CPVL: variants seen among roughly 807,000 people sequenced by gnomAD.
CPVL encodes carboxypeptidase vitellogenic like.
CPVL carries 51 observed loss-of-function variants against 63.7 expected under a neutral mutation model. The observed-to-expected ratio is 0.80, with a 90% CI of 0.64 to 1.01. CPVL has a LOEUF of 1.01. CPVL is among the 50% of genes least tolerant of loss of function. The probability of loss-of-function intolerance (pLI) is 0.00; values close to 1 mark genes in which losing one functional copy is unlikely to be tolerated. For synonymous variants in CPVL, 195 were observed against 206.0 expected (o/e 0.95, Z 0.46); for missense variants, 530 against 573.1 (o/e 0.92, Z 0.77).
intron 7 of CPVL, among the ~76,000 whole-genome samples, chr7:29,075,956 G>GTTTTT (rs1554335832): frequency 0.11 from 12,331 of 109,898 alleles, 1,629 homozygotes; most frequent in Middle Eastern, 0.16. Context: ...TGTTGAGATA[G>GTTTTT]TTTTTTTTTT....
chr7:29,150,463 C>G (rs1793436692), upstream of CPVL, among the ~76,000 whole-genome samples: 1 of 152,174 alleles, frequency 6.6e-6, no homozygotes, highest in Non-Finnish European at 1.5e-5. Context: ...TAAATTGTAT[C>G]TGGACACCAC....
At chr7:29,093,207 T>A (rs1282738705) in intron 5 of CPVL, among the ~76,000 whole-genome samples, 1 of 151,220 alleles carries the variant, frequency 6.6e-6, no homozygotes, top group African/African-American at 2.4e-5. Flanking sequence ...CGAAACCCCG[T>A]TTCTACTAAA....
intron 1 of CPVL, chr7:29,125,037 GAGACTCA>G (rs1789852288): frequency 6.6e-6 from 1 of 152,094 alleles, no homozygotes; most frequent in African/African-American, 2.4e-5. Flanking sequence ...CAGAATCCCA[GAGACTCA>G]AAGTAAATTT....
chr7:29,171,201 A>C (rs1796562536), intron 5 of CPVL, among the ~76,000 whole-genome samples: 1 of 152,110 alleles, frequency 6.6e-6, no homozygotes, highest in South Asian at 2.1e-4. Context: ...CTGCTCTTTC[A>C]CATGAAGGAA....
At chr7:29,053,470 G>T (rs1790401795) in intron 11 of CPVL, among the ~76,000 whole-genome samples, 1 of 152,064 alleles carries the variant, frequency 6.6e-6, no homozygotes, top group African/African-American at 2.4e-5. Flanking sequence ...CAAAGTGAAA[G>T]AAACAGTCAC....
chr7:29,116,864 A>C (rs1043026309), intron 2 of CPVL, among the ~76,000 whole-genome samples: 2 of 152,210 alleles, frequency 1.3e-5, no homozygotes, highest in African/African-American at 4.8e-5. Flanking sequence ...AAAATTAAAA[A>C]TTTCCCTTGT....
intron 1 of CPVL, among the ~76,000 whole-genome samples, chr7:29,135,520 G>C (rs146218955): frequency 0.019 from 2,856 of 151,986 alleles, 97 homozygotes; most frequent in African/African-American, 0.065. Context: ...TTTTAGTAGA[G>C]ACGGGGTTTC....
chr7:29,069,722 A>G (rs1186849716), intron 9 of CPVL, among the ~76,000 whole-genome samples: 2 of 150,864 alleles, frequency 1.3e-5, no homozygotes, highest in Non-Finnish European at 2.9e-5. Flanking sequence ...TCCTTCGGCA[A>G]TTCATTGCTA....
intron 1 of CPVL, chr7:29,125,221 T>C (rs1347578283): frequency 1.3e-5 from 2 of 152,136 alleles, no homozygotes; most frequent in Admixed American, 6.6e-5. Context: ...TAAGGAACCA[T>C]ATTTTAGACC....
chr7:29,049,158 G>C (rs1003862476), intron 11 of CPVL, among the ~76,000 whole-genome samples: 1 of 151,544 alleles, frequency 6.6e-6, no homozygotes, highest in African/African-American at 2.4e-5. Flanking sequence ...CAGAAGAAAG[G>C]CAATAACCAA....
chr7:29,154,850 A>G (rs1794114740), intron 5 of CPVL, among the ~76,000 whole-genome samples: 1 of 152,162 alleles, frequency 6.6e-6, no homozygotes, highest in African/African-American at 2.4e-5. Flanking sequence ...CCATTTTCAC[A>G]CTGCTGATAA....
At chr7:29,044,877 T>C (rs2128167733) in intron 11 of CPVL, among the ~76,000 whole-genome samples, 2 of 152,314 alleles carry the variant, frequency 1.3e-5, no homozygotes, top group South Asian at 4.1e-4. Context: ...TTATTATCTT[T>C]CTCTCTGAAC....
At chr7:29,003,554 A>G (rs1241600764) in intron 12 of CPVL, among the ~76,000 whole-genome samples, 1 of 152,260 alleles carries the variant, frequency 6.6e-6, no homozygotes, top group Admixed American at 6.5e-5. Flanking sequence ...CTGAGAATTT[A>G]CATATGTGAA....
At chr7:29,128,714 C>CAAA (rs60764606) in intron 1 of CPVL, among the ~76,000 whole-genome samples, 12,709 of 133,166 alleles carry the variant, frequency 0.095, 887 homozygotes, top group African/African-American at 0.19. Context: ...GACTCTGTCT[C>CAAA]AAAAAAAAAA....
intron 1 of CPVL, among the ~76,000 whole-genome samples, chr7:29,139,526 A>G (rs911600071): frequency 3.9e-5 from 5 of 129,810 alleles, no homozygotes; most frequent in Non-Finnish European, 6.5e-5. Flanking sequence ...AAGAAAGGCT[A>G]TTCTTGGGGG....
At chr7:29,106,334 A>C (rs976147838) in intron 3 of CPVL, among the ~76,000 whole-genome samples, 4 of 151,960 alleles carry the variant, frequency 2.6e-5, no homozygotes, top group South Asian at 2.1e-4. Flanking sequence ...CCTAGGGTAT[A>C]TTGTGTTCAT....
At chr7:29,024,292 T>C (rs994190172) in intron 12 of CPVL, among the ~76,000 whole-genome samples, 3 of 152,098 alleles carry the variant, frequency 2.0e-5, no homozygotes, top group African/African-American at 7.2e-5. Flanking sequence ...GACAAAAAAG[T>C]ACATATATAT....
chr7:29,027,088 A>G (rs1787572942), intron 12 of CPVL, among the ~76,000 whole-genome samples: 1 of 152,166 alleles, frequency 6.6e-6, no homozygotes, highest in Non-Finnish European at 1.5e-5. Context: ...AACATCCTCA[A>G]CAAAATACTA....
At chr7:29,068,886 G>A (rs1320246344) in intron 9 of CPVL, among the ~76,000 whole-genome samples, 4 of 150,422 alleles carry the variant, frequency 2.7e-5, no homozygotes, top group Non-Finnish European at 3.0e-5. Flanking sequence ...TAGTAGAGAC[G>A]GGGTTTCACC....
Sources: gnomAD v4.1 joint callset for allele counts (sites outside exome capture counted in the v4.1 genomes callset) on GRCh38, gnomAD v4.1.1 for gene constraint, MANE v1.5 for transcripts, NCBI Gene and HGNC (gene_info 2026-07-23, HGNC 2026-07-21) for gene names.